Variants in UBE2E2 observed in about 807,000 individuals in gnomAD.
The protein encoded by UBE2E2 is ubiquitin conjugating enzyme E2 E2.
UBE2E2 carries 6 observed loss-of-function variants against 24.7 expected under a neutral mutation model. That is an observed-to-expected ratio of 0.24 (90% confidence interval 0.13 to 0.48). The LOEUF (loss-of-function observed/expected upper bound fraction) is 0.48, where lower values mean the gene tolerates loss of function less well. UBE2E2 is among the 20% of genes least tolerant of loss of function. UBE2E2 has a pLI of 0.99. For synonymous variants in UBE2E2, 104 were observed against 83.6 expected, an observed-to-expected ratio of 1.24 and a Z score of -1.33; for missense variants, 169 against 245.0, an observed-to-expected ratio of 0.69 and a Z score of 2.07.
intron 3 of UBE2E2, among the ~76,000 whole-genome samples, chr3:23,390,398 A>G (rs891099329): frequency 1.3e-5 from 2 of 152,190 alleles, no homozygotes; most frequent in Non-Finnish European, 2.9e-5. Context: ...AAGTTGAGAC[A>G]ACATGGCTTC....
At chr3:23,465,408 AG>A (rs1345318537) in intron 3 of UBE2E2, among the ~76,000 whole-genome samples, 1 of 152,222 alleles carries the variant, frequency 6.6e-6, no homozygotes, top group Non-Finnish European at 1.5e-5. Flanking sequence ...AACTTCTAAA[AG>A]ACCTATTGTC....
chr3:23,492,534 T>G (rs759276043), intron 3 of UBE2E2, among the ~76,000 whole-genome samples: 1 of 152,202 alleles, frequency 6.6e-6, no homozygotes, highest in Non-Finnish European at 1.5e-5. Flanking sequence ...CTGTGTAGTA[T>G]GATTAGATTT....
intron 3 of UBE2E2, among the ~76,000 whole-genome samples, chr3:23,371,083 G>A (rs909945230): frequency 6.6e-6 from 1 of 152,250 alleles, no homozygotes; most frequent in Non-Finnish European, 1.5e-5. Flanking sequence ...AGGCTTGAGT[G>A]CAGTGACACA....
chr3:23,255,079 C>CTT lies in UBE2E2; in HGVS notation c.227+37791_227+37792dup, dbSNP rs202015038. Among the ~76,000 whole-genome samples, 787 of 85,872 alleles carry CTT rather than the reference C, an allele frequency of 9.2e-3. 9 individuals carry two copies. Among genetic ancestry groups the CTT allele is most frequent in the African/African-American group, 0.018 (351 of 19,130 alleles). 56.3% of individuals were successfully genotyped at this position (85,872 alleles called of 152,430 possible). The stretch of plus-strand genomic sequence containing the variant: ...TGAGATCAGTTTAAGGAGTAACTTC[C>CTT]TTTTTTTTTTTTTTTTTTTTTTTTT... On this transcript the variant is annotated intron_variant, in intron 3 of 5. Transcript: ENST00000396703.
intron 3 of UBE2E2, among the ~76,000 whole-genome samples, chr3:23,329,405 G>C (rs529411634): frequency 3.0e-4 from 45 of 152,182 alleles, no homozygotes; most frequent in Non-Finnish European, 5.9e-4. Flanking sequence ...AAAAGTAAAT[G>C]AGTGTTTATA....
chr3:23,232,007 C>T (rs947697110), intron 3 of UBE2E2, among the ~76,000 whole-genome samples: 4 of 152,192 alleles, frequency 2.6e-5, no homozygotes, highest in Admixed American at 6.5e-5. Context: ...CCTGCTGACC[C>T]TGTCCTTATT....
intron 1 of UBE2E2, among the ~76,000 whole-genome samples, chr3:23,208,382 A>G (rs1169526607): frequency 6.6e-6 from 1 of 152,180 alleles, no homozygotes; most frequent in African/African-American, 2.4e-5. Flanking sequence ...TTATGTGAAT[A>G]TACTACTATA....
chr3:23,544,054 A>T (rs1181461679), intron 5 of UBE2E2, among the ~76,000 whole-genome samples: 1 of 152,232 alleles, frequency 6.6e-6, no homozygotes, highest in East Asian at 1.9e-4. Flanking sequence ...CCATATACAA[A>T]AATCAACTTA....
intron 3 of UBE2E2, among the ~76,000 whole-genome samples, chr3:23,431,179 G>A (rs749620969): frequency 2.0e-5 from 3 of 152,158 alleles, no homozygotes; most frequent in Non-Finnish European, 4.4e-5. Context: ...CTTGAGATAC[G>A]ACAAAGGAAG....
chr3:23,471,090 G>C (rs1253155903), intron 3 of UBE2E2, among the ~76,000 whole-genome samples: 1 of 152,138 alleles, frequency 6.6e-6, no homozygotes, highest in Non-Finnish European at 1.5e-5. Context: ...CATGCAACAT[G>C]TATGCATAAA....
At chr3:23,369,822 T>G (rs903258815) in intron 3 of UBE2E2, among the ~76,000 whole-genome samples, 3 of 152,224 alleles carry the variant, frequency 2.0e-5, no homozygotes, top group Admixed American at 6.5e-5. Flanking sequence ...AAGCATGATG[T>G]TTTATAATTC....
At position 23,205,335 on chromosome 3, in the gene UBE2E2, G is replaced by A. The variant is rs185996572; in HGVS notation, c.-9+1871G>A. On this transcript the variant is annotated intron_variant, in intron 1 of 5. Coordinates refer to ENST00000396703, the MANE Select transcript of UBE2E2 (RefSeq NM_152653.4). The stretch of plus-strand genomic sequence containing the variant: ...ATAATCGGATCAGATTAGCTATTTA[G>A]GAATTAATTTTAAAATGCTAATTTA... 6.6e-4 allele frequency among the ~76,000 whole-genome samples: 100 copies of A among 152,160 alleles called. 5 individuals are homozygous for A. In the East Asian group the frequency reaches 0.016, roughly 24 times the overall value.
intron 3 of UBE2E2, among the ~76,000 whole-genome samples, chr3:23,276,542 C>T (rs886323299): frequency 1.3e-5 from 2 of 152,068 alleles, no homozygotes; most frequent in African/African-American, 4.8e-5. Context: ...ATGCTTTCTA[C>T]CTGCTAAAAT....
intron 3 of UBE2E2, among the ~76,000 whole-genome samples, chr3:23,223,755 C>G (rs903436762): frequency 6.6e-6 from 1 of 152,034 alleles, no homozygotes; most frequent in African/African-American, 2.4e-5. Flanking sequence ...TTTGCCCAGA[C>G]CATTGTGCTG....
chr3:23,229,506 G>A (rs967716451), intron 3 of UBE2E2, among the ~76,000 whole-genome samples: 5 of 152,126 alleles, frequency 3.3e-5, no homozygotes, highest in Non-Finnish European at 7.4e-5. Flanking sequence ...TTGAGTTGAG[G>A]TGGGTAGTAG....
chr3:23,536,995 C>G (rs914599857), intron 5 of UBE2E2, among the ~76,000 whole-genome samples: 1 of 152,140 alleles, frequency 6.6e-6, no homozygotes, highest in Non-Finnish European at 1.5e-5. Context: ...GCTGATTGAT[C>G]TAAACAAGGG....
At chr3:23,249,099 T>C (rs1697501385) in intron 3 of UBE2E2, among the ~76,000 whole-genome samples, 1 of 151,892 alleles carries the variant, frequency 6.6e-6, no homozygotes, top group African/African-American at 2.4e-5. Context: ...GGCGAAACCT[T>C]GTCTCTCCAA....
At chr3:23,572,781 A>C (rs1303748991) in intron 5 of UBE2E2, among the ~76,000 whole-genome samples, 1 of 152,124 alleles carries the variant, frequency 6.6e-6, no homozygotes, top group African/African-American at 2.4e-5. Context: ...TATCCAGTCC[A>C]CTGTTGATGG....
intron 5 of UBE2E2, among the ~76,000 whole-genome samples, chr3:23,550,056 A>G (rs1047986259): frequency 6.6e-6 from 1 of 151,378 alleles, no homozygotes; most frequent in Middle Eastern, 3.4e-3. Context: ...AAGCAATTTC[A>G]TTCTCAGCAT....
Sources: allele counts gnomAD v4.1 joint callset (sites outside exome capture counted in the v4.1 genomes callset), GRCh38; gene constraint gnomAD v4.1.1; transcripts MANE v1.5; gene names NCBI Gene and HGNC (gene_info 2026-07-23, HGNC 2026-07-21).